STAB2: variants seen among roughly 807,000 people sequenced by gnomAD.
The protein encoded by STAB2 is stabilin-2.
A neutral mutation model predicts 338.1 loss-of-function variants in STAB2; 288 were observed. The ratio of observed to expected loss-of-function variants is 0.85; its 90% CI spans 0.77 to 0.94. STAB2 has a LOEUF of 0.94. STAB2 is among the 40% of genes least tolerant of loss of function. The pLI, the probability that STAB2 is intolerant of heterozygous loss-of-function variation, is 0.00. For missense variants in STAB2, 3,141 were observed against 3,210.1 expected (o/e 0.98, Z 0.52); for synonymous variants, 1,202 against 1,193.3 (o/e 1.01, Z -0.15).
chr12:103,732,666 G>A (rs1174418967), intron 50 of STAB2, among the ~76,000 whole-genome samples: 1 of 152,088 alleles, frequency 6.6e-6, no homozygotes, highest in Non-Finnish European at 1.5e-5. Flanking sequence ...TGTGCAGAGT[G>A]TGGTGGTGCA....
chr12:103,662,769 T>G, intron 17 of STAB2, 77 bp from the exon 18 acceptor site: 1 of 1,529,332 alleles, frequency 6.5e-7, no homozygotes, highest in Non-Finnish European at 8.8e-7. Context: ...TTGCCACCAT[T>G]CAGTCTGCCT....
At chr12:103,718,481 A>G (rs918624207) in intron 44 of STAB2, among the ~76,000 whole-genome samples, 3 of 150,586 alleles carry the variant, frequency 2.0e-5, no homozygotes, top group African/African-American at 7.5e-5. Flanking sequence ...GTCCATGCAC[A>G]CATCATTAGT....
intron 10 of STAB2, among the ~76,000 whole-genome samples, chr12:103,649,107 C>A (rs966441459): frequency 6.6e-6 from 1 of 152,152 alleles, no homozygotes; most frequent in Non-Finnish European, 1.5e-5. Flanking sequence ...ACAGTAAGAA[C>A]AGGACAGCTA....
In STAB2 at chr12:103,766,375, C is replaced by G; in HGVS notation, c.*39C>G. The G allele has an allele frequency of 6.3e-7, 1 of 1,580,186 alleles. No individual in the cohort carries two copies. Among genetic ancestry groups the G allele is most frequent in the East Asian group, 2.2e-5 (1 of 44,590 alleles). ...AGATGCCAGCCATCACTCACTGCCACCTGGGCCATCAACTGTGAATTCTCA... is the reference window on the plus strand; with the variant it reads ...AGATGCCAGCCATCACTCACTGCCAGCTGGGCCATCAACTGTGAATTCTCA... On this transcript the variant is annotated 3_prime_UTR_variant, in exon 69 of 69. Coordinates refer to ENST00000388887, the MANE Select transcript of STAB2 (RefSeq NM_017564.10).
chr12:103,610,566 A>G (rs1593137806), intron 3 of STAB2, among the ~76,000 whole-genome samples: 2 of 151,164 alleles, frequency 1.3e-5, no homozygotes, highest in African/African-American at 4.9e-5. Flanking sequence ...CATCTATTTG[A>G]TTCTTCTCTC....
chr12:103,762,994 AAC>A (rs1884656136), intron 67 of STAB2, among the ~76,000 whole-genome samples: 1 of 152,146 alleles, frequency 6.6e-6, no homozygotes, highest in African/African-American at 2.4e-5. Context: ...CTCTCCTCAA[AAC>A]ACTCCTGGTA....
intron 3 of STAB2, 98 bp downstream of exon 3, chr12:103,594,608 A>G (rs1353678587): frequency 3.1e-6 from 3 of 956,836 alleles, no homozygotes; most frequent in Non-Finnish European, 5.0e-6. Context: ...AAGAATGTTA[A>G]CATCCGTTTG....
At chr12:103,735,338 C>A (rs1882024162) in intron 51 of STAB2, among the ~76,000 whole-genome samples, 153 bp from the exon 52 acceptor site, 3 of 152,200 alleles carry the variant, frequency 2.0e-5, no homozygotes, top group Admixed American at 2.0e-4. Flanking sequence ...TTATTCTTCC[C>A]ATTGGTTATA....
chr12:103,674,208 C>T, intron 23 of STAB2, 121 bp downstream of exon 23: 1 of 1,122,798 alleles, frequency 8.9e-7, no homozygotes, highest in Non-Finnish European at 1.2e-6. Context: ...TGAACTGAGG[C>T]CTGTTATCTC....
At position 103,650,577 on chromosome 12, in the gene STAB2, A is replaced by C. The variant is rs376723139; in HGVS notation, c.1256A>C (p.Asn419Thr). ...ACAGACAAGGGACTGAAAGGATTCA[A>C]TGTGAGTATTTAAAATGACCCTACA... ...LPTDKGLKGF[N>T]VNELLVDNKA... is the part of the protein sequence containing the mutation. The change falls in exon 11 of 69, where the codon AAT becomes ACT. Residue 419 changes from asparagine (N) to threonine (T), a missense_variant and splice_region_variant. Asn to Thr is a moderately conservative substitution (Grantham distance 65). Transcript: ENST00000388887. The C allele has an allele frequency of 1.2e-6, 2 of 1,612,528 alleles. No homozygotes were observed. Among genetic ancestry groups the C allele is most frequent in the African/African-American group, 1.3e-5 (1 of 74,996 alleles).
chr12:103,657,140 A>G (rs1481192973), intron 15 of STAB2, among the ~76,000 whole-genome samples: 1 of 151,360 alleles, frequency 6.6e-6, no homozygotes, highest in Non-Finnish European at 1.5e-5. Flanking sequence ...TCAAAATATG[A>G]TTCACACCCA....
intron 42 of STAB2, among the ~76,000 whole-genome samples, chr12:103,714,702 AC>A (rs1880164323): frequency 6.7e-6 from 1 of 150,066 alleles, no homozygotes; most frequent in African/African-American, 2.5e-5. Context: ...AAAAAAAAAA[AC>A]CATTTAGCCC....
At chr12:103,667,532 A>G (rs1041140543) in intron 19 of STAB2, among the ~76,000 whole-genome samples, 1 of 152,170 alleles carries the variant, frequency 6.6e-6, no homozygotes, top group Non-Finnish European at 1.5e-5. Flanking sequence ...CAGCCCAGGG[A>G]AAGAGAAGGA....
At chr12:103,635,582 C>A (rs1465370278) in intron 6 of STAB2, among the ~76,000 whole-genome samples, 2 of 152,222 alleles carry the variant, frequency 1.3e-5, no homozygotes, top group Admixed American at 6.5e-5. Flanking sequence ...CATGCCTCAG[C>A]CCAGGGGAAG....
chr12:103,625,080 C>A (rs1479784117), intron 5 of STAB2, among the ~76,000 whole-genome samples: 1 of 152,152 alleles, frequency 6.6e-6, no homozygotes, highest in Non-Finnish European at 1.5e-5. Context: ...CCCTTCCCTG[C>A]CATTTAAGAA....
At chr12:103,714,609 C>T (rs981562443) in intron 42 of STAB2, among the ~76,000 whole-genome samples, 7 of 151,900 alleles carry the variant, frequency 4.6e-5, no homozygotes, top group African/African-American at 1.7e-4. Flanking sequence ...ATTGCTTGTA[C>T]CCAGCAGGCA....
chr12:103,750,559 T>C lies in STAB2; in HGVS notation c.6439-20T>C. On this transcript the variant is annotated intron_variant, in intron 59 of 68. Coordinates refer to ENST00000388887, the MANE Select transcript of STAB2 (RefSeq NM_017564.10). ...CCTAGAGAAGGAACTTTTTCATCTC[T>C]TCCCACTCTCCCTCCACAGGGCAAG... is the stretch of plus-strand genomic sequence containing the variant. 1.2e-6 allele frequency: 2 copies of C among 1,612,656 alleles called. No individual in the cohort carries two copies. Among genetic ancestry groups the C allele is most frequent in the Middle Eastern group, 3.3e-4 (2 of 6,058 alleles).
chr12:103,674,216 C>T, intron 23 of STAB2, 129 bp downstream of exon 23: 1 of 1,064,294 alleles, frequency 9.4e-7, no homozygotes, highest in Non-Finnish European at 1.3e-6. Flanking sequence ...GGCCTGTTAT[C>T]TCCAGCTGAC....
chr12:103,706,088 A>T (rs979770605), intron 37 of STAB2, among the ~76,000 whole-genome samples: 53 of 152,198 alleles, frequency 3.5e-4, no homozygotes, highest in African/African-American at 1.3e-3. Context: ...TTGGTCATTT[A>T]GAAAACAGGA....
Sources: gnomAD v4.1 joint callset for allele counts (sites outside exome capture counted in the v4.1 genomes callset) on GRCh38, gnomAD v4.1.1 for gene constraint, MANE v1.5 for transcripts, NCBI Gene and HGNC (gene_info 2026-07-23, HGNC 2026-07-21) for gene names.